SMAD9: variants seen among roughly 807,000 people sequenced by gnomAD.
SMAD9 encodes the protein MAD homolog 9.
In SMAD9, 36 loss-of-function variants were observed where a neutral mutation model predicts 46.1. That is an observed-to-expected ratio of 0.78 (90% CI 0.60 to 1.03). The LOEUF (loss-of-function observed/expected upper bound fraction) is 1.03, where lower values mean the gene tolerates loss of function less well. Among genes scored for constraint, SMAD9 ranks in the 50% least tolerant of loss-of-function variants. The probability of loss-of-function intolerance (pLI) is 0.00; values close to 1 mark genes in which losing one functional copy is unlikely to be tolerated. For synonymous variants in SMAD9, 245 were observed against 237.1 expected (o/e 1.03, Z -0.31); for missense variants, 572 against 599.8 (o/e 0.95, Z 0.48).
At chr13:36,870,413 ACT>A (rs1469970585) in intron 3 of SMAD9, among the ~76,000 whole-genome samples, 2 of 152,048 alleles carry the variant, frequency 1.3e-5, no homozygotes, top group Admixed American at 6.6e-5. Flanking sequence ...TGAGTTAATG[ACT>A]CTCAAGCTAC....
intron 1 of SMAD9, among the ~76,000 whole-genome samples, chr13:36,886,326 C>A (rs1226570400): frequency 2.0e-5 from 3 of 152,218 alleles, no homozygotes; most frequent in African/African-American, 7.2e-5. Context: ...CAGCAAAAGA[C>A]CCCCTGAATC....
intron 6 of SMAD9, among the ~76,000 whole-genome samples, chr13:36,852,944 C>T (rs2058086675): frequency 4.6e-5 from 7 of 152,212 alleles, no homozygotes; most frequent in Admixed American, 3.9e-4. Context: ...CTAAACAAGA[C>T]AGTTTATACT....
At chr13:36,888,860 G>A (rs2058468714) in intron 1 of SMAD9, among the ~76,000 whole-genome samples, 1 of 152,104 alleles carries the variant, frequency 6.6e-6, no homozygotes, top group Non-Finnish European at 1.5e-5. Flanking sequence ...TAATAGCTTA[G>A]AGAGGAAGGG....
intron 1 of SMAD9, among the ~76,000 whole-genome samples, chr13:36,909,490 G>A (rs2058643374): frequency 6.6e-6 from 1 of 152,138 alleles, no homozygotes; most frequent in Admixed American, 6.5e-5. Context: ...GTAATAAACT[G>A]TATATAATTT....
intron 4 of SMAD9, among the ~76,000 whole-genome samples, chr13:36,866,417 A>G (rs755396541): frequency 6.6e-6 from 1 of 151,830 alleles, no homozygotes; most frequent in Non-Finnish European, 1.5e-5. Flanking sequence ...CACCCAACAT[A>G]AAGTTAAGTC....
intron 1 of SMAD9, among the ~76,000 whole-genome samples, chr13:36,905,143 G>A (rs1016052416): frequency 2.0e-5 from 3 of 152,168 alleles, no homozygotes; most frequent in African/African-American, 7.2e-5. Flanking sequence ...GTGGGCAGAG[G>A]TCAGGGATAC....
intron 5 of SMAD9, among the ~76,000 whole-genome samples, chr13:36,855,474 GAA>G (rs1270811065): frequency 1.3e-5 from 2 of 151,724 alleles, no homozygotes; most frequent in East Asian, 1.9e-4. Flanking sequence ...TTTTGATGGG[GAA>G]AAAAAAGTCT....
chr13:36,903,188 G>T (rs1039683400), intron 1 of SMAD9, among the ~76,000 whole-genome samples: 39 of 144,800 alleles, frequency 2.7e-4, no homozygotes, highest in Non-Finnish European at 3.6e-4. Flanking sequence ...GAGCAGTGAC[G>T]CCATCTTAGC....
intron 1 of SMAD9, among the ~76,000 whole-genome samples, chr13:36,915,853 A>C (rs2058694795): frequency 2.0e-5 from 3 of 152,214 alleles, no homozygotes; most frequent in Admixed American, 1.3e-4. Flanking sequence ...ATTCTTGAAA[A>C]ATGCGTTTTG....
At chr13:36,913,036 A>G (rs1195778498) in intron 1 of SMAD9, among the ~76,000 whole-genome samples, 1 of 152,172 alleles carries the variant, frequency 6.6e-6, no homozygotes, top group East Asian at 1.9e-4. Context: ...CTTACTTATA[A>G]TACCTACTAT....
At chr13:36,908,556 T>C (rs895064901) in intron 1 of SMAD9, among the ~76,000 whole-genome samples, 41 of 152,158 alleles carry the variant, frequency 2.7e-4, no homozygotes, top group African/African-American at 8.9e-4. Context: ...ATCTACTACA[T>C]AAAAATATTA....
chr13:36,914,413 G>T (rs751926349), intron 1 of SMAD9, among the ~76,000 whole-genome samples: 1 of 152,122 alleles, frequency 6.6e-6, no homozygotes, highest in Non-Finnish European at 1.5e-5. Context: ...CAGCTACTTG[G>T]GAGGCTGAAG....
At position 36,867,415 on chromosome 13, in the gene SMAD9, C is replaced by T. The variant is rs1295017515; in HGVS notation, c.671-32G>A. ...GAAAGCAGTAGAACAAAGGAATTGTCAAATCGATAAACCACACAAAGACAG... is the reference window on the plus strand; with the variant it reads ...GAAAGCAGTAGAACAAAGGAATTGTTAAATCGATAAACCACACAAAGACAG... On this transcript the variant is annotated intron_variant, in intron 3 of 6. Transcript: ENST00000379826. 7 of 1,400,724 alleles carry T rather than the reference C, an allele frequency of 5.0e-6. No homozygotes were observed. The East Asian group carries it at 1.7e-4, about 35-fold the overall frequency. The allele number at this position is 1,400,724 out of a possible 1,614,324, so 86.8% of individuals were successfully genotyped here. A position where few individuals can be genotyped will look rare whatever the true frequency, so the allele number is the denominator to read the frequency against.
chr13:36,886,558 C>T (rs1040361348), intron 1 of SMAD9, among the ~76,000 whole-genome samples: 12 of 152,264 alleles, frequency 7.9e-5, no homozygotes, highest in Non-Finnish European at 1.8e-4. Flanking sequence ...TCACATATCT[C>T]AGCAAATGGC....
intron 1 of SMAD9, among the ~76,000 whole-genome samples, chr13:36,894,336 T>C (rs1295252307): frequency 1.3e-5 from 2 of 152,138 alleles, no homozygotes; most frequent in Non-Finnish European, 2.9e-5. Context: ...GGGTTTCCTC[T>C]TTCGCTTGGC....
rs2058049825 is a variant in SMAD9, at chr13:36,848,463, A to G, written c.*213T>C. The G allele has an allele frequency of 1.7e-6, 1 of 587,740 alleles. No individual in the cohort carries two copies. The highest frequency in any genetic ancestry group is 3.0e-6 in the Non-Finnish European group (1 of 330,284). 36.4% of individuals were successfully genotyped at this position (587,740 alleles called of 1,614,324 possible). A position where few individuals can be genotyped will look rare whatever the true frequency, so the allele number is the denominator to read the frequency against. On this transcript the variant is annotated 3_prime_UTR_variant, in exon 7 of 7. Transcript: ENST00000379826. Reference sequence around the variant, plus strand: ...TCCCACAAAATCTGCTGCTTATAGCACAGGCACCAAAGTCCTGCTTTTCCA... The same window carrying G: ...TCCCACAAAATCTGCTGCTTATAGCGCAGGCACCAAAGTCCTGCTTTTCCA...
At chr13:36,864,706 T>C (rs1035546569) in intron 5 of SMAD9, among the ~76,000 whole-genome samples, 2 of 152,128 alleles carry the variant, frequency 1.3e-5, no homozygotes, top group African/African-American at 4.8e-5. Context: ...AGGAGACATT[T>C]TGAAGGTATG....
At chr13:36,868,241 T>C (rs113831916) in intron 3 of SMAD9, among the ~76,000 whole-genome samples, 1 of 152,336 alleles carries the variant, frequency 6.6e-6, no homozygotes, top group Non-Finnish European at 1.5e-5. Context: ...TCCGATTCAA[T>C]AGGTCAGTGG....
At chr13:36,919,238 G>A (rs888955401) in intron 1 of SMAD9, among the ~76,000 whole-genome samples, 4 of 152,160 alleles carry the variant, frequency 2.6e-5, no homozygotes, top group African/African-American at 9.7e-5. Flanking sequence ...ATAGTAACGG[G>A]AAAACTTGTC....
Sources: allele counts gnomAD v4.1 joint callset (sites outside exome capture counted in the v4.1 genomes callset), GRCh38; gene constraint gnomAD v4.1.1; transcripts MANE v1.5; gene names NCBI Gene and HGNC (gene_info 2026-07-23, HGNC 2026-07-21).